Variants in CPAMD8 observed in about 807,000 individuals in gnomAD.
CPAMD8 encodes C3 and PZP-like alpha-2-macroglobulin domain-containing protein 8.
CPAMD8 carries 146 observed loss-of-function variants against 224.7 expected under a neutral mutation model. The observed-to-expected ratio is 0.65, with a 90% CI of 0.57 to 0.75. The LOEUF is 0.75. Ranked by LOEUF, CPAMD8 falls within the 30% of genes least tolerant of loss-of-function variation. The pLI is 0.00. For missense variants in CPAMD8, 2,301 were observed against 2,537.5 expected (o/e 0.91, Z 2.00); for synonymous variants, 966 against 1,044.6 (o/e 0.92, Z 1.45).
intron 14 of CPAMD8, 25 bp downstream of exon 14, chr19:16,980,472 A>G: frequency 1.2e-6 from 2 of 1,604,824 alleles, no homozygotes; most frequent in Non-Finnish European, 1.7e-6. Flanking sequence ...AAGAACAGGA[A>G]CCTTCTCCCT....
At chr19:16,969,756 C>T (rs1472950210) in intron 18 of CPAMD8, among the ~76,000 whole-genome samples, 1 of 151,560 alleles carries the variant, frequency 6.6e-6, no homozygotes, top group Non-Finnish European at 1.5e-5. Context: ...GGCATGTAAT[C>T]CCAGCTACTC....
intron 19 of CPAMD8, among the ~76,000 whole-genome samples, chr19:16,953,983 G>A (rs1301076285): frequency 6.6e-6 from 1 of 151,808 alleles, no homozygotes; most frequent in Admixed American, 6.6e-5. Context: ...AAAAAAGGCT[G>A]GGCATGGTGG....
chr19:17,008,939 A>C (rs888483672), intron 6 of CPAMD8, among the ~76,000 whole-genome samples: 6 of 151,716 alleles, frequency 4.0e-5, no homozygotes, highest in East Asian at 3.9e-4. Context: ...AAAAGATACA[A>C]AAAAAAATTA....
rs189742714 is a variant in CPAMD8 at position 16,952,028 on chromosome 19, G to A, written c.2449C>T (p.Arg817Cys). ...VDFMLPALIIRGEQVKIPLSV... is the reference protein window; with the variant it reads ...VDFMLPALIICGEQVKIPLSV... ...AGCGGGATCTTGACCTGCTCCCCACGGATGATGAGAGCGGGGAGCATGAAG... is the reference window on the plus strand; with the variant it reads ...AGCGGGATCTTGACCTGCTCCCCACAGATGATGAGAGCGGGGAGCATGAAG... Residue 817 changes from arginine (R) to cysteine (C), a missense_variant, in exon 20 of 42, where the codon CGT becomes TGT. By Grantham distance (180) the Arg-to-Cys change is radical. Coordinates refer to ENST00000443236, the MANE Select transcript of CPAMD8 (RefSeq NM_015692.5). The A allele has an allele frequency of 3.2e-5, 50 of 1,585,410 alleles. No homozygotes were observed. In the East Asian group the frequency reaches 5.9e-4, roughly 19 times the overall value.
rs957524973 is a variant in CPAMD8 at position 16,899,276 on chromosome 19, C to T, written c.4848+199G>A. 6.6e-6 allele frequency among the ~76,000 whole-genome samples: 1 copy of T among 152,092 alleles called. No individual in the cohort carries two copies. Among genetic ancestry groups the T allele is most frequent in the Non-Finnish European group, 1.5e-5 (1 of 68,020 alleles). ...CTCGCCATGTTGCCCAGGCTGGTCT[C>T]GAACCCCTGAGCTCAAGTGATCCTC... On this transcript the variant is annotated intron_variant, in intron 37 of 41. Transcript: ENST00000443236. This position sits in a 1 kb window ranked among gnomAD's most constrained non-coding sequence, Gnocchi z 5.4.
In CPAMD8 at chr19:16,896,515, T is replaced by A. The variant is rs1221781126; in HGVS notation, c.5216A>T (p.Glu1739Val). Residue 1739 changes from glutamate to valine, a missense_variant, in exon 40 of 42, where the codon GAG becomes GTG. Glu to Val is a moderately radical substitution (Grantham distance 121). Around this residue, in one of 4 missense-constraint regions of CPAMD8, gnomAD observed 1,709 missense variants for 1,753.2 expected, o/e 0.97. Coordinates refer to ENST00000443236, the MANE Select transcript of CPAMD8 (RefSeq NM_015692.5). Reference protein sequence around the residue: ...VVYASACRLREAACRQAAPLE... With the variant: ...VVYASACRLRVAACRQAAPLE... ...GGGCGCGGCCTGGCGGCAGGCGGCC[T>A]CCCGCAGGCGGCAGGCGCTGGCGTA... 1 of 1,431,610 alleles carries A rather than the reference T, an allele frequency of 7.0e-7. No homozygotes were observed. 88.7% of individuals were successfully genotyped at this position (1,431,610 alleles called of 1,614,324 possible).
At chr19:17,001,855 A>AGG (rs779346775) in intron 9 of CPAMD8, among the ~76,000 whole-genome samples, 2 of 144,876 alleles carry the variant, frequency 1.4e-5, no homozygotes, top group Non-Finnish European at 3.0e-5. Context: ...CACTCCAGGG[A>AGG]GGGGGTGCCC....
chr19:17,005,088 A>G (rs8112544), intron 7 of CPAMD8, among the ~76,000 whole-genome samples: 118,083 of 151,252 alleles, frequency 0.78, 46,663 homozygotes, highest in African/African-American at 0.91. Context: ...GGCATCCTGT[A>G]AACTGAGGGG....
chr19:16,911,603 T>C (rs2052730933), intron 29 of CPAMD8, among the ~76,000 whole-genome samples: 1 of 152,204 alleles, frequency 6.6e-6, no homozygotes. Flanking sequence ...TGGAGTGCAG[T>C]GGCACCATCT....
At chr19:16,894,440 G>A (rs1166302113) in intron 41 of CPAMD8, 1 of 456,678 alleles carries the variant, frequency 2.2e-6, no homozygotes, top group Admixed American at 2.3e-5. Flanking sequence ...CGCTCTGACT[G>A]GCCAGGAGAG....
At chr19:16,982,149 A>G (rs2055537146) in intron 13 of CPAMD8, among the ~76,000 whole-genome samples, 3 of 152,042 alleles carry the variant, frequency 2.0e-5, no homozygotes, top group African/African-American at 7.2e-5. Flanking sequence ...ATCTCAGCAC[A>G]TTGAGAGGCC....
chr19:16,893,125 T>G lies in CPAMD8; in HGVS notation c.5641A>C (p.Thr1881Pro), dbSNP rs1483931376. The G allele has an allele frequency of 3.4e-6, 5 of 1,453,378 alleles. No individual in the cohort carries two copies. The African/African-American group carries it at 6.9e-5, about 20-fold the overall frequency. 90.0% of individuals were successfully genotyped at this position (1,453,378 alleles called of 1,614,324 possible). A position where few individuals can be genotyped will look rare whatever the true frequency, so the allele number is the denominator to read the frequency against. Reference protein sequence around the residue: ...GGEEGLWMSNTCTLR With the variant: ...GGEEGLWMSNPCTLR ...TTGTAGGATTATCTCAAGGTGCAGG[T>G]GTTTGACATCCATAAACCCTCCTCC... The change falls in exon 42 of 42, where the codon ACC becomes CCC. Residue 1881 changes from threonine to proline, a missense_variant. By Grantham distance (38) the Thr-to-Pro change is conservative. This residue lies in a region of CPAMD8 where 1,709 missense variants were observed against 1,753.2 expected (regional missense o/e 0.97). Coordinates refer to ENST00000443236, the MANE Select transcript of CPAMD8 (RefSeq NM_015692.5).
intron 20 of CPAMD8, among the ~76,000 whole-genome samples, chr19:16,948,509 G>A (rs2054179193): frequency 6.6e-6 from 1 of 152,034 alleles, no homozygotes; most frequent in Non-Finnish European, 1.5e-5. Context: ...CACTTTGGGA[G>A]GCTGAGGCAG....
intron 1 of CPAMD8, among the ~76,000 whole-genome samples, chr19:17,024,258 G>A (rs1383754565): frequency 6.6e-6 from 1 of 152,196 alleles, no homozygotes; most frequent in African/African-American, 2.4e-5. Context: ...TGTGATCATA[G>A]TGTGCTACAT....
At chr19:17,020,163 G>A (rs1287277872) in intron 3 of CPAMD8, among the ~76,000 whole-genome samples, 168 bp downstream of exon 3, 2 of 151,096 alleles carry the variant, frequency 1.3e-5, no homozygotes, top group Admixed American at 1.3e-4. Flanking sequence ...TAGTAGAGAT[G>A]CGGTTTCACC....
chr19:16,991,919 AG>A (rs1354673666), intron 12 of CPAMD8, among the ~76,000 whole-genome samples: 3 of 151,774 alleles, frequency 2.0e-5, no homozygotes, highest in Non-Finnish European at 4.4e-5. Flanking sequence ...GTTGAGCAGC[AG>A]GTCCAACACA....
At chr19:16,964,525 C>T (rs967841246) in intron 18 of CPAMD8, among the ~76,000 whole-genome samples, 1 of 152,084 alleles carries the variant, frequency 6.6e-6, no homozygotes, top group African/African-American at 2.4e-5. Flanking sequence ...CAATAACAGG[C>T]TCTGAAATCG....
chr19:17,023,151 G>A (rs778875917), intron 1 of CPAMD8, among the ~76,000 whole-genome samples: 1 of 152,130 alleles, frequency 6.6e-6, no homozygotes, highest in Admixed American at 6.6e-5. Flanking sequence ...ATCAAAGCAG[G>A]CCTCTCTTTC....
intron 39 of CPAMD8, chr19:16,897,459 T>G (rs1481298207): frequency 3.7e-6 from 2 of 544,590 alleles, no homozygotes; most frequent in Non-Finnish European, 6.4e-6. Context: ...CCCCAGCCAC[T>G]TCCCTTCCGC....
Sources: allele counts gnomAD v4.1 joint callset (sites outside exome capture counted in the v4.1 genomes callset), GRCh38; gene constraint gnomAD v4.1.1; regional missense constraint gnomAD v4.1.1; non-coding constraint Gnocchi (gnomAD v3.1); transcripts MANE v1.5; gene names NCBI Gene and HGNC (gene_info 2026-07-23, HGNC 2026-07-21).